Variants in PIWIL3 observed in about 807,000 individuals in gnomAD.
PIWIL3 encodes the protein piwi like RNA-mediated gene silencing 3, also known as piwi-like protein 3.
In PIWIL3, 101 loss-of-function variants were observed where a neutral mutation model predicts 109.7. That is an observed-to-expected ratio of 0.92 (90% CI 0.78 to 1.09). The LOEUF (loss-of-function observed/expected upper bound fraction) is 1.09. Among genes scored for constraint, PIWIL3 ranks in the 50% least tolerant of loss-of-function variants. The pLI is 0.00. For synonymous variants in PIWIL3, 373 were observed against 376.4 expected, an observed-to-expected ratio of 0.99 and a Z score of 0.10; for missense variants, 1,031 against 1,072.6, an observed-to-expected ratio of 0.96 and a Z score of 0.54.
chr22:24,764,068 G>A (rs1480556592), intron 1 of PIWIL3, among the ~76,000 whole-genome samples: 3 of 152,150 alleles, frequency 2.0e-5, no homozygotes, highest in African/African-American at 7.2e-5. Flanking sequence ...AAATGGCCCG[G>A]GGAAATACAC....
chr22:24,740,788 A>C (rs137975231), intron 12 of PIWIL3, among the ~76,000 whole-genome samples: 260 of 152,294 alleles, frequency 1.7e-3, no homozygotes, highest in African/African-American at 5.9e-3. Context: ...CCACCAAAAA[A>C]AGTCCAGGAC....
At chr22:24,744,134 C>T (rs935012644) in intron 12 of PIWIL3, among the ~76,000 whole-genome samples, 2 of 107,708 alleles carry the variant, frequency 1.9e-5, no homozygotes, top group Non-Finnish European at 3.5e-5. Context: ...AATAATAACA[C>T]TGAATGTAAA....
intron 8 of PIWIL3, among the ~76,000 whole-genome samples, chr22:24,753,350 G>T (rs1176688686): frequency 6.6e-6 from 1 of 152,210 alleles, no homozygotes; most frequent in Non-Finnish European, 1.5e-5. Flanking sequence ...GAAGAAGCAG[G>T]TGGATGTTCA....
rs143403523 is a variant in PIWIL3 at position 24,755,923 on chromosome 22, C to CAA, written c.571-20_571-19dup. 9 of 1,538,384 alleles carry CAA rather than the reference C, an allele frequency of 5.9e-6. No homozygotes were observed. The highest frequency in any genetic ancestry group is 1.2e-5 in the South Asian group (1 of 83,396). On this transcript the variant is annotated intron_variant, in intron 5 of 20. Transcript: ENST00000616349. ...TCCACTCTCTGAGATTAAAAAAAAA[C>CAA]AAAAAAAAAAGTCCAGATATTCTTC...
Position 24,724,917 on chromosome 22 carries a change from G to A in PIWIL3, c.2201C>T (p.Ser734Leu), listed in dbSNP as rs757818276. Residue 734 changes from serine to leucine, a missense_variant, in exon 18 of 21, where the codon TCG becomes TTG. Coordinates refer to ENST00000616349, the MANE Select transcript of PIWIL3 (RefSeq NM_001255975.1). ...AGGAGAGATGGTTTTTAAGTAGGTC[G>A]ACATCTTTTTCGCTTCATGGTCAAG... ...ALLDHEAKKM[S>L]TYLKTISPNN... 12 of 1,613,962 alleles carry A rather than the reference G, an allele frequency of 7.4e-6. 1 individual carries two copies. Among genetic ancestry groups the A allele is most frequent in the Middle Eastern group, 1.6e-4 (1 of 6,062 alleles).
intron 3 of PIWIL3, 42 bp from the exon 4 acceptor site, chr22:24,758,081 G>C (rs1176656391): frequency 6.3e-7 from 1 of 1,577,874 alleles, no homozygotes; most frequent in Non-Finnish European, 8.6e-7. Flanking sequence ...AATAAAAAGG[G>C]AAGAATAGAA....
chr22:24,749,641 G>T, intron 10 of PIWIL3, 52 bp downstream of exon 10: 7 of 1,613,304 alleles, frequency 4.3e-6, no homozygotes, highest in Non-Finnish European at 5.9e-6. Flanking sequence ...AAAAGCCTGC[G>T]TTAAGTCGTA....
intron 12 of PIWIL3, among the ~76,000 whole-genome samples, chr22:24,737,520 T>C (rs1398955097): frequency 2.0e-5 from 3 of 152,152 alleles, no homozygotes; most frequent in African/African-American, 7.2e-5. Flanking sequence ...CCAGCTGTTG[T>C]GGCTATGGGG....
At chr22:24,729,644 CGAT>C (rs1923216120) in intron 14 of PIWIL3, among the ~76,000 whole-genome samples, 1 of 152,104 alleles carries the variant, frequency 6.6e-6, no homozygotes, top group African/African-American at 2.4e-5. Flanking sequence ...ATTTTTAACA[CGAT>C]GATGTTTATA....
Position 24,756,044 on chromosome 22 carries a change from C to A in PIWIL3, c.571-139G>T, listed in dbSNP as rs1164699963. The A allele has an allele frequency of 6.9e-6, 6 of 867,338 alleles. No individual in the cohort carries two copies. The East Asian group carries it at 1.5e-4, about 22-fold the overall frequency. 53.7% of individuals were successfully genotyped at this position (867,338 alleles called of 1,614,324 possible). On this transcript the variant is annotated intron_variant, in intron 5 of 20. Transcript: ENST00000616349. ...GCAGTCTTTCCCACAAAAGTACGTG[C>A]GTGTGGAAAACATGATTCACAAGAG...
At position 24,762,477 on chromosome 22, in the gene PIWIL3, C is replaced by T. The variant is rs139091741; in HGVS notation, c.23G>A (p.Arg8His). The T allele has an allele frequency of 1.4e-4, 231 of 1,613,548 alleles. 1 individual carries two copies. The highest frequency in any genetic ancestry group is 3.3e-4 in the Middle Eastern group (2 of 6,058). Residue 8 changes from arginine (R) to histidine (H), a missense_variant, in exon 2 of 21, where the codon CGC (arginine) becomes CAC (histidine). Arg to His is a conservative substitution (Grantham distance 29, BLOSUM62 0). Transcript: ENST00000616349. MPGRART[R>H]ARGRARRRES... is the part of the protein sequence containing the mutation. ...CCTGCGGCGGGCTCTGCCTCGGGCG[C>T]GAGTCCTTGCCCTACCAGGCATTGT...
At chr22:24,765,349 C>A (rs1740878801) in intron 1 of PIWIL3, among the ~76,000 whole-genome samples, 1 of 152,186 alleles carries the variant, frequency 6.6e-6, no homozygotes, top group African/African-American at 2.4e-5. Context: ...AAAACCAGCG[C>A]ATCTGCTACA....
At chr22:24,765,363 G>A (rs995385346) in intron 1 of PIWIL3, among the ~76,000 whole-genome samples, 3 of 152,120 alleles carry the variant, frequency 2.0e-5, no homozygotes, top group African/African-American at 4.8e-5. Flanking sequence ...TGCTACAGTC[G>A]TCACTCTATT....
intron 12 of PIWIL3, among the ~76,000 whole-genome samples, chr22:24,736,440 A>G (rs1923662142): frequency 6.6e-6 from 1 of 152,166 alleles, no homozygotes; most frequent in African/African-American, 2.4e-5. Flanking sequence ...ATACTGTTCT[A>G]TCACAGCATG....
chr22:24,724,722 C>T (rs1049504366), intron 18 of PIWIL3, among the ~76,000 whole-genome samples, 165 bp downstream of exon 18: 1 of 152,008 alleles, frequency 6.6e-6, no homozygotes, highest in African/African-American at 2.4e-5. Flanking sequence ...CAAGCATGAG[C>T]CACCGCACCC....
At position 24,728,245 on chromosome 22, in the gene PIWIL3, T is replaced by C. The variant is rs2147654240; in HGVS notation, c.1837A>G (p.Ile613Val). ...KTLEKVQART[I>V]VTKIAQQMNC... The stretch of plus-strand genomic sequence containing the variant: ...ATCTGCTGGGCAATCTTGGTGACGA[T>C]GGTCCTTGCCTGGACTTTTTCTAAG... The change falls in exon 15 of 21, where the codon ATC becomes GTC. Residue 613 changes from isoleucine to valine, a missense_variant. Coordinates refer to ENST00000616349, the MANE Select transcript of PIWIL3 (RefSeq NM_001255975.1). The C allele has an allele frequency of 9.3e-6, 15 of 1,614,250 alleles. No homozygotes were observed. Among genetic ancestry groups the C allele is most frequent in the East Asian group, 2.2e-5 (1 of 44,886 alleles).
chr22:24,749,113 C>G (rs1035880786), intron 11 of PIWIL3, 92 bp from the exon 12 acceptor site: 9 of 1,036,712 alleles, frequency 8.7e-6, no homozygotes, highest in Non-Finnish European at 1.3e-5. Flanking sequence ...TTCCAAGGTT[C>G]ACCATCACTT....
Position 24,757,999 on chromosome 22 carries a change from C to T in PIWIL3, c.264G>A (p.Ala88=), listed in dbSNP as rs183370407. The change falls in exon 4 of 21, where the codon GCG becomes GCA. Residue 88 remains alanine (A), a synonymous_variant. Coordinates refer to ENST00000616349, the MANE Select transcript of PIWIL3 (RefSeq NM_001255975.1). The part of the protein sequence containing the change: ...EPGPEAGLHT[A]PLQERRIGGV... ...CACCAATCCTTCTCTCCTGCAAGGGCGCTGTATGCAACCCAGCCTCAGGTC... is the reference window on the plus strand; with the variant it reads ...CACCAATCCTTCTCTCCTGCAAGGGTGCTGTATGCAACCCAGCCTCAGGTC... 7.4e-6 allele frequency: 12 copies of T among 1,613,946 alleles called. No individual in the cohort carries two copies. The African/African-American group carries it at 1.2e-4, about 16-fold the overall frequency.
chr22:24,770,660 T>TAAAA (rs57209194), intron 1 of PIWIL3, among the ~76,000 whole-genome samples: 18 of 77,590 alleles, frequency 2.3e-4, no homozygotes, highest in African/African-American at 7.9e-4. Flanking sequence ...CCGTCTCTAC[T>TAAAA]AAAAAAAAAA....
Sources: gnomAD v4.1 joint callset for allele counts (sites outside exome capture counted in the v4.1 genomes callset) on GRCh38, gnomAD v4.1.1 for gene constraint, MANE v1.5 for transcripts, NCBI Gene and HGNC (gene_info 2026-07-23, HGNC 2026-07-21) for gene names.